The following CERS3 variants were observed in gnomAD, a reference collection of about 807,000 sequenced individuals.
CERS3 encodes ceramide synthase 3, also known as LAG1 homolog, ceramide synthase 3.
In CERS3, 33 loss-of-function variants were observed where a neutral mutation model predicts 50.3. The ratio of observed to expected loss-of-function variants is 0.66; its 90% confidence interval spans 0.50 to 0.88. CERS3 has a LOEUF of 0.88. Among genes scored for constraint, CERS3 ranks in the 40% least tolerant of loss-of-function variants. CERS3 has a pLI of 0.00. For synonymous variants in CERS3, 176 were observed against 155.2 expected (o/e 1.13, Z -0.99); for missense variants, 470 against 460.3 (o/e 1.02, Z -0.19).
At chr15:100,485,680 A>G (rs1008742707) in intron 4 of CERS3, among the ~76,000 whole-genome samples, 3 of 152,098 alleles carry the variant, frequency 2.0e-5, no homozygotes, top group African/African-American at 7.2e-5. Context: ...CCTGGCCAAT[A>G]TGGTGAAACC....
At chr15:100,440,989 C>T (rs532599935) in intron 11 of CERS3, among the ~76,000 whole-genome samples, 1 of 152,196 alleles carries the variant, frequency 6.6e-6, no homozygotes, top group Admixed American at 6.5e-5. Flanking sequence ...AGGGACGCCT[C>T]TCTGATTATT....
intron 2 of CERS3, among the ~76,000 whole-genome samples, chr15:100,504,304 C>T (rs542505693): frequency 8.5e-5 from 12 of 140,626 alleles, no homozygotes; most frequent in East Asian, 4.2e-4. Context: ...AGTGCAATGG[C>T]GTGATCTCGG....
chr15:100,445,551 A>G (rs1233389038), intron 11 of CERS3, among the ~76,000 whole-genome samples: 1 of 152,080 alleles, frequency 6.6e-6, no homozygotes, highest in Non-Finnish European at 1.5e-5. Flanking sequence ...AACTGTATCC[A>G]GGCCATCACC....
chr15:100,533,813 C>T (rs1181392066), upstream of CERS3, among the ~76,000 whole-genome samples: 1 of 152,176 alleles, frequency 6.6e-6, no homozygotes, highest in East Asian at 1.9e-4. Context: ...CTGCCTCGGC[C>T]TCCCAAAGTG....
At chr15:100,456,594 C>A (rs569149631) in intron 10 of CERS3, among the ~76,000 whole-genome samples, 3 of 152,286 alleles carry the variant, frequency 2.0e-5, no homozygotes, top group East Asian at 3.9e-4. Flanking sequence ...CATAAACAGG[C>A]TCCTGGACAC....
At chr15:100,421,174 C>G (rs532479374) in intron 11 of CERS3, among the ~76,000 whole-genome samples, 1 of 151,768 alleles carries the variant, frequency 6.6e-6, no homozygotes, top group South Asian at 2.1e-4. Flanking sequence ...GATTGTATAT[C>G]TAGAAAACCC....
intron 11 of CERS3, among the ~76,000 whole-genome samples, chr15:100,414,831 A>AAAAAAC (rs1254565851): frequency 6.0e-5 from 9 of 150,616 alleles, no homozygotes; most frequent in Admixed American, 6.6e-5. Context: ...AAAAAAAAAA[A>AAAAAAC]CCCTGGAAGA....
At chr15:100,443,224 T>C (rs1338026167) in intron 11 of CERS3, among the ~76,000 whole-genome samples, 111 of 151,014 alleles carry the variant, frequency 7.4e-4, no homozygotes, top group East Asian at 2.9e-3. Flanking sequence ...TGACCGATCA[T>C]GCACCCCTTA....
At chr15:100,481,683 C>A (rs751091222) in intron 5 of CERS3, among the ~76,000 whole-genome samples, 1 of 152,256 alleles carries the variant, frequency 6.6e-6, no homozygotes, top group Non-Finnish European at 1.5e-5. Context: ...CTGTTGCTAA[C>A]AGCCAATATC....
At chr15:100,483,775 A>ATTTTTTTT (rs1158193821) in intron 5 of CERS3, among the ~76,000 whole-genome samples, 2 of 18,196 alleles carry the variant, frequency 1.1e-4, no homozygotes, top group African/African-American at 2.9e-4. Context: ...AATAATAATA[A>ATTTTTTTT]TTATTATTAT....
At chr15:100,485,678 A>G (rs1278278957) in intron 4 of CERS3, among the ~76,000 whole-genome samples, 1 of 152,206 alleles carries the variant, frequency 6.6e-6, no homozygotes, top group East Asian at 1.9e-4. Flanking sequence ...TGCCTGGCCA[A>G]TATGGTGAAA....
intron 11 of CERS3, among the ~76,000 whole-genome samples, chr15:100,403,718 A>T (rs983415725): frequency 6.6e-6 from 1 of 152,252 alleles, no homozygotes; most frequent in Non-Finnish European, 1.5e-5. Flanking sequence ...CTGGATAGTC[A>T]TATAACTATG....
chr15:100,448,230 T>G (rs760829068), intron 11 of CERS3, among the ~76,000 whole-genome samples: 2 of 152,126 alleles, frequency 1.3e-5, no homozygotes, highest in Non-Finnish European at 2.9e-5. Context: ...GGTACATGCC[T>G]CCTCCACAGA....
rs373817363 is a variant in CERS3, at chr15:100,477,764, T to TGG, written c.517-1587_517-1586insCC. 2.8e-4 allele frequency among the ~76,000 whole-genome samples: 42 copies of TGG among 152,298 alleles called. 2 individuals carry two copies. Among genetic ancestry groups the TGG allele is most frequent in the African/African-American group, 1.0e-3 (42 of 41,580 alleles). On this transcript the variant is annotated intron_variant, in intron 7 of 11. Transcript: ENST00000679737. ...AGAGTACTAGGAAGCAAACTGGTGT[T>TGG]CAGGTTGACTAAGGAAAAGGAGTCA...
chr15:100,437,688 C>A (rs1171128412), intron 11 of CERS3: 1 of 152,204 alleles, frequency 6.6e-6, no homozygotes, highest in Non-Finnish European at 1.5e-5. Context: ...TGGCAGCTAA[C>A]ATTTATCATG....
intron 10 of CERS3, among the ~76,000 whole-genome samples, chr15:100,462,346 T>C (rs1596702764): frequency 6.6e-6 from 1 of 152,236 alleles, no homozygotes; most frequent in East Asian, 1.9e-4. Context: ...AAATATTAGC[T>C]GGTTTTGCTG....
chr15:100,402,224 A>G lies in CERS3; in HGVS notation c.*489T>C, dbSNP rs2030596908. On this transcript the variant is annotated 3_prime_UTR_variant, in exon 12 of 12. Transcript: ENST00000679737. ...ACCGCCCTGTGGAGATGAGGCACCTAAGCTTCAGGATGGAAGTGTCTCCTG... is the reference window on the plus strand; with the variant it reads ...ACCGCCCTGTGGAGATGAGGCACCTGAGCTTCAGGATGGAAGTGTCTCCTG... 1 of 154,534 alleles carries G rather than the reference A, an allele frequency of 6.5e-6. No individual in the cohort carries two copies. Among genetic ancestry groups the G allele is most frequent in the African/African-American group, 2.4e-5 (1 of 41,454 alleles). The allele number at this position is 154,534 out of a possible 1,614,324, so 9.6% of individuals were successfully genotyped here. A position where few individuals can be genotyped will look rare whatever the true frequency, so the allele number is the denominator to read the frequency against.
Position 100,501,699 on chromosome 15 carries a change from T to G in CERS3, c.151A>C (p.Ile51Leu). The change falls in exon 3 of 12, where the codon ATT (isoleucine) becomes CTT (leucine). Residue 51 changes from isoleucine to leucine, a missense_variant. Transcript: ENST00000679737. ...VTIPYAFLLL[I>L]IRRVFEKFVA... ...TACTTTTCAAATACACGTCTGATAA[T>G]CAGCAAGAGAAAAGCATATGGAATT... 1 of 1,613,548 alleles carries G rather than the reference T, an allele frequency of 6.2e-7. No individual in the cohort carries two copies. The highest frequency in any genetic ancestry group is 2.2e-5 in the East Asian group (1 of 44,872).
At chr15:100,539,679 G>A (rs1434256887) in intron 1 of CERS3, among the ~76,000 whole-genome samples, 1 of 152,206 alleles carries the variant, frequency 6.6e-6, no homozygotes, top group East Asian at 1.9e-4. Flanking sequence ...GACACATGTG[G>A]ATTATGGGGA....
Sources: allele counts gnomAD v4.1 joint callset (sites outside exome capture counted in the v4.1 genomes callset), GRCh38; gene constraint gnomAD v4.1.1; transcripts MANE v1.5; gene names NCBI Gene and HGNC (gene_info 2026-07-23, HGNC 2026-07-21).